The following ZFPM2 variants were observed in gnomAD, a reference collection of about 807,000 sequenced individuals.
The protein encoded by ZFPM2 is zinc finger protein ZFPM2.
ZFPM2 carries 20 observed loss-of-function variants against 98.6 expected under a neutral mutation model. The ratio of observed to expected loss-of-function variants is 0.20; its 90% CI spans 0.14 to 0.29. The LOEUF (loss-of-function observed/expected upper bound fraction) is 0.29. ZFPM2 is among the 10% of genes least tolerant of loss of function. ZFPM2 has a pLI of 1.00. For synonymous variants in ZFPM2, 518 were observed against 502.7 expected, an observed-to-expected ratio of 1.03 and a Z score of -0.41; for missense variants, 1,310 against 1,388.6, an observed-to-expected ratio of 0.94 and a Z score of 0.90.
At chr8:105,494,800 T>C (rs1466832093) in intron 3 of ZFPM2, among the ~76,000 whole-genome samples, 1 of 152,172 alleles carries the variant, frequency 6.6e-6, no homozygotes, top group Non-Finnish European at 1.5e-5. Context: ...GGAAACCTTT[T>C]TCTGTTTGAG....
At position 105,456,980 on chromosome 8, in the gene ZFPM2, T is replaced by C. The variant is rs575845518; in HGVS notation, c.301+12599T>C. Among the ~76,000 whole-genome samples, 9 of 152,342 alleles carry C rather than the reference T, an allele frequency of 5.9e-5. 1 individual carries two copies. ...GTTATTTCTTTTAAATTTCATCATT[T>C]CAACCTTTGTCTCTCAATAACTTTG... On this transcript the variant is annotated intron_variant, in intron 3 of 7. Transcript: ENST00000407775.
chr8:105,792,802 G>A (rs894996125), intron 6 of ZFPM2, among the ~76,000 whole-genome samples: 7 of 152,170 alleles, frequency 4.6e-5, no homozygotes. Context: ...AGGATAGTTA[G>A]CTCTTCTTGT....
chr8:105,660,595 ATATC>A (rs1817369623), intron 5 of ZFPM2, among the ~76,000 whole-genome samples: 1 of 152,198 alleles, frequency 6.6e-6, no homozygotes, highest in Admixed American at 6.5e-5. Flanking sequence ...GCGTATATGA[ATATC>A]TATATCTATC....
intron 5 of ZFPM2, among the ~76,000 whole-genome samples, chr8:105,756,438 G>T (rs1812599856): frequency 6.6e-6 from 1 of 152,150 alleles, no homozygotes; most frequent in South Asian, 2.1e-4. Context: ...AAAGCAGCTG[G>T]ATGAAAAGCG....
intron 3 of ZFPM2, among the ~76,000 whole-genome samples, chr8:105,533,330 C>T (rs1262943935): frequency 6.6e-6 from 1 of 151,992 alleles, no homozygotes; most frequent in Non-Finnish European, 1.5e-5. Flanking sequence ...AGATAGGAGT[C>T]ACTCTGGGTG....
chr8:105,689,846 T>G (rs182876517), intron 5 of ZFPM2, among the ~76,000 whole-genome samples: 8 of 152,326 alleles, frequency 5.3e-5, no homozygotes, highest in Non-Finnish European at 1.2e-4. Flanking sequence ...CTTTTTAACT[T>G]GGAGGCTTTG....
At chr8:105,799,534 A>T (rs1813936878) in intron 7 of ZFPM2, among the ~76,000 whole-genome samples, 1 of 152,208 alleles carries the variant, frequency 6.6e-6, no homozygotes, top group African/African-American at 2.4e-5. Context: ...TAAGAAAAAA[A>T]TAGGCTGAAA....
At chr8:105,428,307 TA>T (rs1457950531) in intron 2 of ZFPM2, among the ~76,000 whole-genome samples, 3 of 152,168 alleles carry the variant, frequency 2.0e-5, no homozygotes, top group Non-Finnish European at 4.4e-5. Context: ...AAGGCTAACA[TA>T]AATGAATTAG....
chr8:105,566,209 C>A (rs1249806918), intron 4 of ZFPM2, among the ~76,000 whole-genome samples: 1 of 152,048 alleles, frequency 6.6e-6, no homozygotes, highest in African/African-American at 2.4e-5. Context: ...ATCACAGGCT[C>A]CGAAGGTCTG....
At chr8:105,582,883 C>T (rs893439419) in intron 4 of ZFPM2, among the ~76,000 whole-genome samples, 13 of 152,192 alleles carry the variant, frequency 8.5e-5, no homozygotes, top group Admixed American at 1.3e-4. Context: ...GGTGAGCCAC[C>T]GTGCCCCTCC....
Position 105,388,822 on chromosome 8 carries a change from G to C in ZFPM2, c.41-30322G>C, listed in dbSNP as rs147776596. ...GCGTTGCTGTCCTCTTCCAACCTGT[G>C]TGCTCAGTTCCCTGAAATAAATTCC... On this transcript the variant is annotated intron_variant, in intron 1 of 7. Transcript: ENST00000407775. Among the ~76,000 whole-genome samples, 3 of 152,170 alleles carry C rather than the reference G, an allele frequency of 2.0e-5. No individual in the cohort carries two copies. In the East Asian group the frequency reaches 5.8e-4, roughly 30 times the overall value.
At chr8:105,624,403 T>C (rs1816612027) in intron 4 of ZFPM2, among the ~76,000 whole-genome samples, 2 of 152,186 alleles carry the variant, frequency 1.3e-5, no homozygotes, top group African/African-American at 4.8e-5. Flanking sequence ...GAGGGAGTAG[T>C]TCCTCTTCGG....
At chr8:105,462,532 C>T (rs1196783443) in intron 3 of ZFPM2, among the ~76,000 whole-genome samples, 2 of 152,096 alleles carry the variant, frequency 1.3e-5, no homozygotes, top group Non-Finnish European at 2.9e-5. Flanking sequence ...TCTGCTGCTC[C>T]ATTCCCCTGC....
chr8:105,621,013 C>G (rs1352360755), intron 4 of ZFPM2, among the ~76,000 whole-genome samples: 2 of 152,098 alleles, frequency 1.3e-5, no homozygotes, highest in Admixed American at 6.6e-5. Flanking sequence ...GAAATGCGGG[C>G]TCTTTTTTGG....
At chr8:105,755,481 G>T (rs1308779092) in intron 5 of ZFPM2, among the ~76,000 whole-genome samples, 9 of 152,112 alleles carry the variant, frequency 5.9e-5, no homozygotes, top group Non-Finnish European at 1.3e-4. Flanking sequence ...TCATTTGAGT[G>T]CTTTAATATA....
At chr8:105,471,029 A>T (rs567640873) in intron 3 of ZFPM2, among the ~76,000 whole-genome samples, 1 of 152,140 alleles carries the variant, frequency 6.6e-6, no homozygotes, top group Admixed American at 6.5e-5. Context: ...CTTATTACAT[A>T]TTGAAAATCT....
intron 3 of ZFPM2, among the ~76,000 whole-genome samples, chr8:105,509,297 G>A (rs1438750019): frequency 1.3e-5 from 2 of 152,092 alleles, no homozygotes; most frequent in Non-Finnish European, 2.9e-5. Flanking sequence ...GCATACCTTG[G>A]AGGGTAAGCT....
chr8:105,405,748 A>G (rs1811439082), intron 1 of ZFPM2, among the ~76,000 whole-genome samples: 1 of 152,108 alleles, frequency 6.6e-6, no homozygotes, highest in Admixed American at 6.6e-5. Flanking sequence ...ATATGTGTGC[A>G]TGTGTCTTTA....
chr8:105,592,691 A>G (rs2130767688), intron 4 of ZFPM2, among the ~76,000 whole-genome samples: 1 of 152,244 alleles, frequency 6.6e-6, no homozygotes, highest in Middle Eastern at 3.4e-3. Flanking sequence ...TGAAGGATCC[A>G]TATCTCTCCC....
Sources: allele counts gnomAD v4.1 joint callset (sites outside exome capture counted in the v4.1 genomes callset), GRCh38; gene constraint gnomAD v4.1.1; transcripts MANE v1.5; gene names NCBI Gene and HGNC (gene_info 2026-07-23, HGNC 2026-07-21).